HECTD2: variants seen among roughly 807,000 people sequenced by gnomAD.
The protein encoded by HECTD2 is HECT domain E3 ubiquitin protein ligase 2.
A neutral mutation model predicts 103.2 loss-of-function variants in HECTD2; 35 were observed. The observed-to-expected ratio is 0.34, with a 90% CI of 0.26 to 0.45. HECTD2 has a LOEUF of 0.45. Ranked by LOEUF, HECTD2 falls within the 20% of genes least tolerant of loss-of-function variation. The pLI, the probability that HECTD2 is intolerant of heterozygous loss-of-function variation, is 1.00. For missense variants in HECTD2, 596 were observed against 937.4 expected, an observed-to-expected ratio of 0.64 and a Z score of 4.76; for synonymous variants, 281 against 329.9, an observed-to-expected ratio of 0.85 and a Z score of 1.61.
intron 11 of HECTD2, among the ~76,000 whole-genome samples, chr10:91,490,890 C>CAAAAAAAAA (rs61035151): frequency 1.5e-4 from 2 of 13,616 alleles, no homozygotes; most frequent in African/African-American, 2.3e-4. Flanking sequence ...GACTCCGTCT[C>CAAAAAAAAA]AAAAAAAAAA....
chr10:91,433,503 C>A (rs1224960166), intron 2 of HECTD2, among the ~76,000 whole-genome samples: 18 of 151,848 alleles, frequency 1.2e-4, no homozygotes, highest in Admixed American at 1.1e-3. Context: ...TAGAAAACTT[C>A]TTTATTATTT....
chr10:91,443,536 T>G (rs981544532), intron 2 of HECTD2, among the ~76,000 whole-genome samples: 2 of 152,106 alleles, frequency 1.3e-5, no homozygotes, highest in African/African-American at 4.8e-5. Flanking sequence ...GGGAGGTATC[T>G]CCCAGTCAGG....
chr10:91,468,919 GAGTT>G (rs1554876005), intron 5 of HECTD2, among the ~76,000 whole-genome samples: 3 of 127,382 alleles, frequency 2.4e-5, no homozygotes, highest in Non-Finnish European at 4.7e-5. Context: ...CTGAACAACA[GAGTT>G]AGACACTGTC....
chr10:91,484,693 T>C, intron 9 of HECTD2, 38 bp downstream of exon 9: 1 of 1,498,898 alleles, frequency 6.7e-7, no homozygotes, highest in Non-Finnish European at 9.0e-7. Context: ...TACTTTTCTT[T>C]TGTTACATTT....
At chr10:91,422,436 A>G (rs950292256) in intron 1 of HECTD2, among the ~76,000 whole-genome samples, 4 of 152,142 alleles carry the variant, frequency 2.6e-5, no homozygotes, top group Non-Finnish European at 5.9e-5. Flanking sequence ...TATTTTACAA[A>G]TTGGTTACTT....
intron 1 of HECTD2, among the ~76,000 whole-genome samples, chr10:91,412,821 GTGAT>G (rs1842978913): frequency 6.6e-6 from 1 of 152,062 alleles, no homozygotes; most frequent in African/African-American, 2.4e-5. Flanking sequence ...AACTGGGGTG[GTGAT>G]TGACTTTTAC....
intron 15 of HECTD2, among the ~76,000 whole-genome samples, chr10:91,497,604 C>T (rs1047808145): frequency 4.6e-5 from 7 of 151,986 alleles, no homozygotes; most frequent in East Asian, 3.9e-4. Flanking sequence ...CCACCGTGCC[C>T]GGCTAACCAG....
At chr10:91,434,796 A>G (rs1844046847) in intron 2 of HECTD2, among the ~76,000 whole-genome samples, 1 of 152,052 alleles carries the variant, frequency 6.6e-6, no homozygotes. Flanking sequence ...GCTCCGTAAC[A>G]TACAAACTGT....
In HECTD2 at chr10:91,497,456, ATTTTTTTT is replaced by A. The variant is rs34254753; in HGVS notation, c.1681-633_1681-626del. 4.0e-4 allele frequency among the ~76,000 whole-genome samples: 30 copies of A among 74,774 alleles called. No individual in the cohort carries two copies. The South Asian group carries it at 0.016, about 40-fold the overall frequency. The allele number at this position is 74,774 out of a possible 152,430, so 49.1% of individuals were successfully genotyped here. On this transcript the variant is annotated intron_variant, in intron 15 of 20. Transcript: ENST00000298068. Reference sequence around the variant, plus strand: ...CAGGTGTGAGCCACCACACCTGGCTATTTTTTTTTTTTTTTTTTTTTTTTTTGGATTTT... The same window carrying A: ...CAGGTGTGAGCCACCACACCTGGCTATTTTTTTTTTTTTTTTTTGGATTTT...
intron 3 of HECTD2, among the ~76,000 whole-genome samples, chr10:91,460,911 T>C (rs2133201903): frequency 6.6e-6 from 1 of 152,206 alleles, no homozygotes; most frequent in Admixed American, 6.5e-5. Flanking sequence ...TATGTAACCA[T>C]TCAAAAAATC....
intron 20 of HECTD2, among the ~76,000 whole-genome samples, chr10:91,502,228 C>CATTT (rs1846930224): frequency 6.6e-6 from 1 of 152,142 alleles, no homozygotes; most frequent in African/African-American, 2.4e-5. Flanking sequence ...TACCAGTTTT[C>CATTT]ATTTCTTTCT....
chr10:91,451,562 C>T (rs559114303), intron 2 of HECTD2, among the ~76,000 whole-genome samples: 3 of 151,554 alleles, frequency 2.0e-5, no homozygotes, highest in Non-Finnish European at 4.4e-5. Context: ...CACTCCAGAC[C>T]TACTGAATCA....
chr10:91,463,814 G>A (rs2133212275), intron 5 of HECTD2: 1 of 152,312 alleles, frequency 6.6e-6, no homozygotes, highest in Middle Eastern at 3.4e-3. Flanking sequence ...TTGTGGAACA[G>A]TTGGAACTTT....
intron 2 of HECTD2, among the ~76,000 whole-genome samples, chr10:91,428,017 A>G (rs867277710): frequency 5.3e-5 from 8 of 151,980 alleles, no homozygotes; most frequent in African/African-American, 1.7e-4. Context: ...TAGGTCTAAC[A>G]TTTAAGTCTT....
intron 2 of HECTD2, among the ~76,000 whole-genome samples, chr10:91,455,302 T>A (rs1369931451): frequency 6.6e-6 from 1 of 152,208 alleles, no homozygotes; most frequent in African/African-American, 2.4e-5. Context: ...GGTTTTGATT[T>A]GCATTTCTCT....
At chr10:91,471,345 C>T (rs113811339) in intron 5 of HECTD2, among the ~76,000 whole-genome samples, 7 of 152,304 alleles carry the variant, frequency 4.6e-5, no homozygotes, top group African/African-American at 1.7e-4. Context: ...TCGTCTGTGA[C>T]AAACCCACAG....
chr10:91,501,167 T>C, intron 19 of HECTD2, 24 bp from the exon 20 acceptor site: 1 of 1,597,948 alleles, frequency 6.3e-7, no homozygotes, highest in Non-Finnish European at 8.5e-7. Context: ...ACATTTGATG[T>C]TAATTTCCTT....
At chr10:91,433,763 CATCT>C (rs1337168404) in intron 2 of HECTD2, among the ~76,000 whole-genome samples, 1 of 151,848 alleles carries the variant, frequency 6.6e-6, no homozygotes, top group African/African-American at 2.4e-5. Flanking sequence ...AGTTTGAATC[CATCT>C]GTTTGTTTCC....
chr10:91,492,057 T>A (rs1005597994), intron 12 of HECTD2, among the ~76,000 whole-genome samples: 41 of 152,044 alleles, frequency 2.7e-4, no homozygotes, highest in South Asian at 6.2e-4. Context: ...GAGTTTTTTT[T>A]AAAAAAAGAA....
Sources: allele counts gnomAD v4.1 joint callset (sites outside exome capture counted in the v4.1 genomes callset), GRCh38; gene constraint gnomAD v4.1.1; transcripts MANE v1.5; gene names NCBI Gene and HGNC (gene_info 2026-07-23, HGNC 2026-07-21).